Variants in HORMAD1 observed in about 807,000 individuals in gnomAD.
HORMAD1 encodes the protein HORMA domain containing 1, also known as HORMA domain-containing protein 1.
A neutral mutation model predicts 58.2 loss-of-function variants in HORMAD1; 33 were observed. The observed-to-expected ratio is 0.57, with a 90% CI of 0.43 to 0.76. HORMAD1 has a LOEUF of 0.76. Among genes scored for constraint, HORMAD1 ranks in the 30% least tolerant of loss-of-function variants. The probability of loss-of-function intolerance (pLI) is 0.00; values close to 1 mark genes in which losing one functional copy is unlikely to be tolerated. For missense variants in HORMAD1, 363 were observed against 462.0 expected, an observed-to-expected ratio of 0.79 and a Z score of 1.96; for synonymous variants, 137 against 144.6, an observed-to-expected ratio of 0.95 and a Z score of 0.38.
intron 14 of HORMAD1, 81 bp from the exon 15 acceptor site, chr1:150,698,815 G>T: frequency 1.2e-6 from 1 of 818,740 alleles, no homozygotes; most frequent in East Asian, 2.7e-5. Context: ...ATGTATCTGA[G>T]ATTTCTCTTC....
At chr1:150,714,253 TAG>T (rs1651996378) in intron 4 of HORMAD1, 132 bp from the exon 5 acceptor site, 1 of 567,848 alleles carries the variant, frequency 1.8e-6, no homozygotes, top group Non-Finnish European at 3.1e-6. Flanking sequence ...TCTTATTAAC[TAG>T]CTTAAAACAA....
intron 2 of HORMAD1, among the ~76,000 whole-genome samples, chr1:150,718,607 T>C (rs2101892828): frequency 6.6e-6 from 1 of 152,258 alleles, no homozygotes; most frequent in African/African-American, 2.4e-5. Context: ...AAATGCATAT[T>C]TGTGTCTCGG....
At chr1:150,717,530 A>ATTTT (rs1652120865) in intron 2 of HORMAD1, among the ~76,000 whole-genome samples, 1 of 152,236 alleles carries the variant, frequency 6.6e-6, no homozygotes, top group African/African-American at 2.4e-5. Context: ...TATTTTTAAA[A>ATTTT]AAATTGAGAC....
At chr1:150,714,026 G>T in intron 5 of HORMAD1, 59 bp downstream of exon 5, 1 of 1,068,492 alleles carries the variant, frequency 9.4e-7, no homozygotes, top group Non-Finnish European at 1.4e-6. Flanking sequence ...CATAACTCCA[G>T]TTATATTTGT....
chr1:150,704,848 G>A (rs587669894), intron 10 of HORMAD1, among the ~76,000 whole-genome samples: 2 of 152,178 alleles, frequency 1.3e-5, no homozygotes, highest in South Asian at 2.1e-4. Flanking sequence ...TTGGAGACCA[G>A]CCTGGCTAAC....
chr1:150,719,419 A>C (rs1228626254), intron 2 of HORMAD1, 54 bp downstream of exon 2: 1 of 1,149,328 alleles, frequency 8.7e-7, no homozygotes, highest in East Asian at 2.4e-5. Context: ...TGAGACTTCA[A>C]GAAACAATAA....
chr1:150,710,561 T>C (rs921706153), intron 7 of HORMAD1, among the ~76,000 whole-genome samples: 1 of 152,188 alleles, frequency 6.6e-6, no homozygotes, highest in African/African-American at 2.4e-5. Flanking sequence ...TGAAAATAAA[T>C]GAACATTTTC....
At chr1:150,712,496 C>G in intron 5 of HORMAD1, among the ~76,000 whole-genome samples, 1 of 152,142 alleles carries the variant, frequency 6.6e-6, no homozygotes, top group East Asian at 1.9e-4. Flanking sequence ...TCTCCTTACT[C>G]CCAATCTTAA....
chr1:150,709,065 T>C, intron 7 of HORMAD1, 104 bp from the exon 8 acceptor site: 6 of 681,056 alleles, frequency 8.8e-6, no homozygotes, highest in Admixed American at 2.2e-5. Flanking sequence ...TACTTTTTTC[T>C]GCCATATTAA....
At chr1:150,714,573 A>G (rs761140248) in intron 4 of HORMAD1, 42 bp downstream of exon 4, 2 of 1,122,300 alleles carry the variant, frequency 1.8e-6, no homozygotes, top group Non-Finnish European at 1.3e-6. Context: ...AAGTAAAATG[A>G]GAAAAAAATA....
intron 13 of HORMAD1, among the ~76,000 whole-genome samples, chr1:150,701,065 G>A (rs1202192581): frequency 6.6e-6 from 1 of 151,910 alleles, no homozygotes; most frequent in Admixed American, 6.6e-5. Flanking sequence ...TTCATTTCTT[G>A]CCCTTTTCTA....
intron 10 of HORMAD1, among the ~76,000 whole-genome samples, chr1:150,704,768 C>T (rs1468738701): frequency 2.0e-5 from 3 of 152,066 alleles, no homozygotes; most frequent in Non-Finnish European, 2.9e-5. Flanking sequence ...CCAAGCCAGG[C>T]GCAATGGCTT....
In HORMAD1 at chr1:150,703,366, C is replaced by G; in HGVS notation, c.976G>C (p.Glu326Gln). The G allele has an allele frequency of 6.3e-7, 1 of 1,578,140 alleles. No homozygotes were observed. Among genetic ancestry groups the G allele is most frequent in the Non-Finnish European group, 8.7e-7 (1 of 1,155,846 alleles). ...QVEQLVNKTS[E>Q]LDMSESKTRS... Reference sequence around the variant, plus strand: ...GTTTTGCTTTCAGACATATCAAGTTCAGATGTTTTATTGACTAACTGCTCA... The same window carrying G: ...GTTTTGCTTTCAGACATATCAAGTTGAGATGTTTTATTGACTAACTGCTCA... Residue 326 changes from glutamate to glutamine, a missense_variant, in exon 13 of 15, where the codon GAA becomes CAA. Transcript: ENST00000361824.
At chr1:150,709,656 G>A (rs1412984622) in intron 7 of HORMAD1, among the ~76,000 whole-genome samples, 1 of 151,902 alleles carries the variant, frequency 6.6e-6, no homozygotes, top group Non-Finnish European at 1.5e-5. Flanking sequence ...TGCTGAGGTG[G>A]ATTAGTAAAA....
Position 150,712,010 on chromosome 1 carries a change from T to C in HORMAD1, c.280-157A>G, listed in dbSNP as rs116279971. On this transcript the variant is annotated intron_variant, in intron 5 of 14. Transcript: ENST00000361824. The stretch of plus-strand genomic sequence containing the variant: ...CATAAGATCAATGCCTATAATGCAG[T>C]ACCTTAGATATGCTTCCCTATCCCC... Among the ~76,000 whole-genome samples, 1,289 of 152,316 alleles carry C rather than the reference T, an allele frequency of 8.5e-3. 6 individuals are homozygous for C. Among genetic ancestry groups the C allele is most frequent in the Non-Finnish European group, 0.012 (818 of 68,010 alleles).
Position 150,700,152 on chromosome 1 carries a change from T to C in HORMAD1, c.1064A>G (p.Lys355Arg), listed in dbSNP as rs763962199. 48 of 1,582,838 alleles carry C rather than the reference T, an allele frequency of 3.0e-5. No homozygotes were observed. The highest frequency in any genetic ancestry group is 3.9e-5 in the Non-Finnish European group (45 of 1,152,286). Residue 355 changes from lysine to arginine, a missense_variant, in exon 14 of 15, where the codon AAA becomes AGA. Coordinates refer to ENST00000361824, the MANE Select transcript of HORMAD1 (RefSeq NM_032132.5). The part of the protein sequence containing the change: ...ANGNQPVKSS[K>R]ENRKRSQHES... ...ATGTTGACTTCTCTTCCGATTTTCT[T>C]TGGAAGATTTTACTGGTTGATTTCC...
chr1:150,704,970 G>A (rs1026421737), intron 10 of HORMAD1, among the ~76,000 whole-genome samples: 1 of 151,866 alleles, frequency 6.6e-6, no homozygotes, highest in African/African-American at 2.4e-5. Context: ...TTGAACCCAG[G>A]AGGCTAGAGG....
chr1:150,702,175 C>G (rs1345072565), intron 13 of HORMAD1, among the ~76,000 whole-genome samples: 2 of 152,172 alleles, frequency 1.3e-5, no homozygotes, highest in East Asian at 3.8e-4. Context: ...ATGAAAAACA[C>G]TCAACATCAC....
At chr1:150,716,144 G>A (rs2101886084) in intron 3 of HORMAD1, among the ~76,000 whole-genome samples, 1 of 139,266 alleles carries the variant, frequency 7.2e-6, no homozygotes, top group South Asian at 2.4e-4. Context: ...CAGTCACAAA[G>A]GACCACTTTT....
Sources: allele counts gnomAD v4.1 joint callset (sites outside exome capture counted in the v4.1 genomes callset), GRCh38; gene constraint gnomAD v4.1.1; transcripts MANE v1.5; gene names NCBI Gene and HGNC (gene_info 2026-07-23, HGNC 2026-07-21).